The following AK8 variants were observed in gnomAD, a reference collection of about 807,000 sequenced individuals.
The protein encoded by AK8 is adenylate kinase 8.
AK8 carries 44 observed loss-of-function variants against 54.6 expected under a neutral mutation model. That is an observed-to-expected ratio of 0.81 (90% CI 0.63 to 1.04). The LOEUF (loss-of-function observed/expected upper bound fraction) is 1.04, where lower values mean the gene tolerates loss of function less well. AK8 is among the 50% of genes least tolerant of loss of function. The pLI is 0.00. For missense variants in AK8, 555 were observed against 613.6 expected, an observed-to-expected ratio of 0.90 and a Z score of 1.01; for synonymous variants, 239 against 245.6, an observed-to-expected ratio of 0.97 and a Z score of 0.25.
At chr9:132,792,974 G>A (rs563403282) in intron 10 of AK8, among the ~76,000 whole-genome samples, 199 bp from the exon 11 acceptor site, 2 of 152,328 alleles carry the variant, frequency 1.3e-5, no homozygotes, top group South Asian at 4.1e-4. Context: ...CGTGAGATGG[G>A]AAATGCACTG....
intron 2 of AK8, among the ~76,000 whole-genome samples, chr9:132,873,937 T>G (rs1054186614): frequency 6.6e-6 from 1 of 152,118 alleles, no homozygotes; most frequent in African/African-American, 2.4e-5. Flanking sequence ...AAAGGAGGTC[T>G]CTAAGAGTCG....
At chr9:132,753,574 G>A (rs1158762626) in intron 11 of AK8, among the ~76,000 whole-genome samples, 2 of 152,246 alleles carry the variant, frequency 1.3e-5, no homozygotes, top group African/African-American at 2.4e-5. Flanking sequence ...CTCACATCCT[G>A]GTAGGGAAGG....
intron 5 of AK8, among the ~76,000 whole-genome samples, chr9:132,841,421 C>T (rs1012844065): frequency 1.3e-5 from 2 of 152,350 alleles, no homozygotes; most frequent in East Asian, 1.9e-4. Flanking sequence ...CCCCCTGCAG[C>T]GGCGTGGGGG....
intron 11 of AK8, among the ~76,000 whole-genome samples, chr9:132,788,275 A>G (rs1047769670): frequency 6.6e-6 from 1 of 152,170 alleles, no homozygotes; most frequent in African/African-American, 2.4e-5. Flanking sequence ...TCCTGGAAAA[A>G]CCACAAAATT....
At chr9:132,784,266 T>G (rs1298664012) in intron 11 of AK8, among the ~76,000 whole-genome samples, 1 of 123,588 alleles carries the variant, frequency 8.1e-6, no homozygotes, top group Non-Finnish European at 1.7e-5. Flanking sequence ...ATGCCTGTAA[T>G]CCCAGCACTT....
At chr9:132,726,863 C>A (rs950018331) in intron 12 of AK8, among the ~76,000 whole-genome samples, 1 of 151,142 alleles carries the variant, frequency 6.6e-6, no homozygotes, top group African/African-American at 2.4e-5. Context: ...AAAATCCCTG[C>A]ACTTCCTTCC....
intron 5 of AK8, among the ~76,000 whole-genome samples, chr9:132,832,625 C>T (rs1318852839): frequency 6.6e-6 from 1 of 152,190 alleles, no homozygotes; most frequent in Non-Finnish European, 1.5e-5. Context: ...TTGCTCAGCA[C>T]TGAAAAAGGC....
intron 11 of AK8, among the ~76,000 whole-genome samples, chr9:132,734,075 CA>C (rs2130949477): frequency 6.6e-6 from 1 of 152,306 alleles, no homozygotes; most frequent in South Asian, 2.1e-4. Flanking sequence ...CATGTTTTAA[CA>C]AGATCCTCAG....
At chr9:132,785,051 A>G (rs115661751) in intron 11 of AK8, among the ~76,000 whole-genome samples, 3,721 of 152,188 alleles carry the variant, frequency 0.024, 150 homozygotes, top group African/African-American at 0.085. Context: ...GGCTCCCCCA[A>G]AATGGAGAAT....
intron 2 of AK8, among the ~76,000 whole-genome samples, chr9:132,873,970 C>A (rs1010113566): frequency 5.3e-5 from 8 of 152,144 alleles, no homozygotes; most frequent in Non-Finnish European, 1.2e-4. Context: ...GTAAACTGCA[C>A]CAGGAAGGTG....
At chr9:132,773,337 C>T (rs1382474425) in intron 11 of AK8, among the ~76,000 whole-genome samples, 2 of 152,172 alleles carry the variant, frequency 1.3e-5, no homozygotes, top group Non-Finnish European at 2.9e-5. Flanking sequence ...AACATACCAC[C>T]CTGTCCTCTC....
chr9:132,751,397 C>CA (rs1364532991), intron 11 of AK8, among the ~76,000 whole-genome samples: 13 of 128,538 alleles, frequency 1.0e-4, no homozygotes, highest in East Asian at 2.3e-4. Flanking sequence ...AAAAAAAAAA[C>CA]AAAAAAAACC....
intron 4 of AK8, among the ~76,000 whole-genome samples, chr9:132,858,412 C>CA (rs1843260807): frequency 6.6e-6 from 1 of 152,258 alleles, no homozygotes. Flanking sequence ...CATGAGCCTG[C>CA]ATCTTCCTGT....
intron 5 of AK8, among the ~76,000 whole-genome samples, chr9:132,844,412 T>C (rs1364879245): frequency 1.3e-5 from 2 of 152,182 alleles, no homozygotes; most frequent in African/African-American, 4.8e-5. Flanking sequence ...CCCTGCATTC[T>C]TTCTGTGCTC....
rs1040761529 is a variant in AK8, at chr9:132,792,261, G to T, written c.1121+373C>A. Among the ~76,000 whole-genome samples the T allele has an allele frequency of 2.6e-5, 4 of 152,032 alleles. 1 individual carries two copies. Among genetic ancestry groups the T allele is most frequent in the African/African-American group, 9.7e-5 (4 of 41,376 alleles). ...CCATTTGGGGAAAAAATAAAAGGGG[G>T]ACTCATACTGCCTACTCACATCCAA... On this transcript the variant is annotated intron_variant, in intron 11 of 12. Coordinates refer to ENST00000298545, the MANE Select transcript of AK8 (RefSeq NM_152572.3).
chr9:132,806,848 T>G (rs929423924), intron 10 of AK8, among the ~76,000 whole-genome samples: 1 of 152,190 alleles, frequency 6.6e-6, no homozygotes, highest in Non-Finnish European at 1.5e-5. Flanking sequence ...CTGCATTTGC[T>G]AGGGTGAGGT....
At chr9:132,871,813 G>A (rs780976830) in intron 2 of AK8, among the ~76,000 whole-genome samples, 1 of 152,224 alleles carries the variant, frequency 6.6e-6, no homozygotes, top group Non-Finnish European at 1.5e-5. Context: ...AGGTGGCAGC[G>A]GAGGTGGCTG....
In AK8 at chr9:132,746,520, G is replaced by C. The variant is rs1837660528; in HGVS notation, c.1122-18986C>G. The stretch of plus-strand genomic sequence containing the variant: ...AACCCGTGGCCTTAGCATCGAGGCT[G>C]ATATGTGATAATCACCCAATTTAGT... On this transcript the variant is annotated intron_variant, in intron 11 of 12. Coordinates refer to ENST00000298545, the MANE Select transcript of AK8 (RefSeq NM_152572.3). 3.3e-5 allele frequency among the ~76,000 whole-genome samples: 5 copies of C among 152,348 alleles called. No homozygotes were observed. The South Asian group carries it at 1.0e-3, about 32-fold the overall frequency.
At chr9:132,742,686 C>A (rs897055509) in intron 11 of AK8, among the ~76,000 whole-genome samples, 4 of 152,230 alleles carry the variant, frequency 2.6e-5, no homozygotes, top group Non-Finnish European at 1.5e-5. Context: ...CCCATTAACT[C>A]CTCTTCACTC....
Sources: gnomAD v4.1 joint callset for allele counts (sites outside exome capture counted in the v4.1 genomes callset) on GRCh38, gnomAD v4.1.1 for gene constraint, MANE v1.5 for transcripts, NCBI Gene and HGNC (gene_info 2026-07-23, HGNC 2026-07-21) for gene names.